FAM219A: variants seen among roughly 807,000 people sequenced by gnomAD.
FAM219A encodes protein FAM219A.
Under a neutral mutation model 23.4 loss-of-function variants are expected in FAM219A, and 7 were observed. That is an observed-to-expected ratio of 0.30 (90% confidence interval 0.17 to 0.56). The LOEUF is 0.56. FAM219A is among the 20% of genes least tolerant of loss of function. The probability of loss-of-function intolerance (pLI) is 0.92; values close to 1 mark genes in which losing one functional copy is unlikely to be tolerated. For missense variants in FAM219A, 166 were observed against 246.9 expected, an observed-to-expected ratio of 0.67 and a Z score of 2.20; for synonymous variants, 93 against 99.0, an observed-to-expected ratio of 0.94 and a Z score of 0.36.
intron 1 of FAM219A, among the ~76,000 whole-genome samples, chr9:34,418,151 A>G: frequency 6.6e-6 from 1 of 152,098 alleles, no homozygotes; most frequent in East Asian, 1.9e-4. Context: ...GCTACTCAGG[A>G]ACAGGGAGAG....
At chr9:34,442,658 C>G (rs1376084589) in intron 1 of FAM219A, among the ~76,000 whole-genome samples, 1 of 150,450 alleles carries the variant, frequency 6.6e-6, no homozygotes, top group African/African-American at 2.5e-5. Flanking sequence ...GCACTCCAGC[C>G]TGGGTGACAG....
intron 1 of FAM219A, among the ~76,000 whole-genome samples, chr9:34,428,289 C>G (rs892388230): frequency 1.3e-5 from 2 of 152,186 alleles, no homozygotes; most frequent in African/African-American, 4.8e-5. Flanking sequence ...AAGGAAAATG[C>G]AAGAAACCTC....
chr9:34,401,280 T>C lies in FAM219A; in HGVS notation c.400-158A>G, dbSNP rs565069397. Among the ~76,000 whole-genome samples the C allele has an allele frequency of 3.9e-5, 6 of 152,286 alleles. No individual in the cohort carries two copies. In the South Asian group the frequency reaches 1.2e-3, roughly 32 times the overall value. ...TGTCTGTACCCCCAGGCCCCGCTCC[T>C]GCCTAGGCGCCCTCCTTCGCCTCTG... On this transcript the variant is annotated intron_variant, in intron 5 of 5. Transcript: ENST00000651358.
At chr9:34,433,929 G>A (rs1428253412) in intron 1 of FAM219A, among the ~76,000 whole-genome samples, 3 of 151,906 alleles carry the variant, frequency 2.0e-5, no homozygotes, top group Admixed American at 6.6e-5. Flanking sequence ...TCGGCCGGGC[G>A]CGGTGGCTCA....
At chr9:34,429,105 G>C (rs1397664783) in intron 1 of FAM219A, among the ~76,000 whole-genome samples, 1 of 152,216 alleles carries the variant, frequency 6.6e-6, no homozygotes, top group African/African-American at 2.4e-5. Context: ...AACACCAAAA[G>C]TTCTTTTCTT....
intron 1 of FAM219A, among the ~76,000 whole-genome samples, chr9:34,413,835 T>C (rs1821908285): frequency 6.6e-6 from 1 of 152,010 alleles, no homozygotes; most frequent in Non-Finnish European, 1.5e-5. Context: ...TGATAAGAAA[T>C]GGGAAGTCAG....
chr9:34,436,010 G>GATCAGGCTGGTCTC (rs1047788898), intron 1 of FAM219A, among the ~76,000 whole-genome samples: 4 of 152,084 alleles, frequency 2.6e-5, no homozygotes, highest in Non-Finnish European at 4.4e-5. Flanking sequence ...TCACCATGTT[G>GATCAGGCTGGTCTC]ATCAGGCTGG....
chr9:34,441,496 A>G (rs1823172256), intron 1 of FAM219A, among the ~76,000 whole-genome samples: 1 of 152,210 alleles, frequency 6.6e-6, no homozygotes, highest in African/African-American at 2.4e-5. Context: ...CTCCAGGGCT[A>G]TCTTGGGCTG....
At chr9:34,405,771 G>T in intron 2 of FAM219A, 94 bp downstream of exon 2, 1 of 1,236,430 alleles carries the variant, frequency 8.1e-7, no homozygotes, top group Non-Finnish European at 1.2e-6. Context: ...AATCATCTAG[G>T]CTGAGCTGGT....
rs930853958 is a variant in FAM219A, at chr9:34,417,070, C to T, written c.61-11106G>A. The stretch of plus-strand genomic sequence containing the variant: ...CCCTTCCCTTTCCCCTTCCCCTTCT[C>T]CTTCTTCTTCTTTTTGGAGTCAGAG... On this transcript the variant is annotated intron_variant, in intron 1 of 5. Transcript: ENST00000651358. The surrounding 1 kb of genome is among the most constrained non-coding windows in gnomAD (Gnocchi z 4.1). Among the ~76,000 whole-genome samples the T allele has an allele frequency of 5.9e-5, 9 of 151,762 alleles. No homozygotes were observed. The highest frequency in any genetic ancestry group is 1.2e-4 in the Non-Finnish European group (8 of 67,874).
intron 1 of FAM219A, among the ~76,000 whole-genome samples, chr9:34,434,180 C>G (rs1394244172): frequency 8.6e-6 from 1 of 115,880 alleles, no homozygotes; most frequent in Non-Finnish European, 1.6e-5. Context: ...CCAGCCTGGG[C>G]AACAGAGCTA....
At chr9:34,450,295 A>G (rs1335318673) in intron 1 of FAM219A, among the ~76,000 whole-genome samples, 1 of 145,788 alleles carries the variant, frequency 6.9e-6, no homozygotes, top group Non-Finnish European at 1.5e-5. Flanking sequence ...CCTCGGTGAC[A>G]GAGACCCTGT....
chr9:34,400,754 G>T lies in FAM219A; in HGVS notation c.*210C>A. 1 of 471,250 alleles carries T rather than the reference G, an allele frequency of 2.1e-6. No homozygotes were observed. Among genetic ancestry groups the T allele is most frequent in the Non-Finnish European group, 3.6e-6 (1 of 278,038 alleles). The allele number at this position is 471,250 out of a possible 1,614,324, so 29.2% of individuals were successfully genotyped here. A position where few individuals can be genotyped will look rare whatever the true frequency, so the allele number is the denominator to read the frequency against. ...CCCCACCCCTCCTCAGCTCCCGGGT[G>T]GAGAGAGACCCAGTTTTGGTTTCTC... On this transcript the variant is annotated 3_prime_UTR_variant, in exon 6 of 6. Transcript: ENST00000651358.
chr9:34,416,565 A>G (rs1218384063), intron 1 of FAM219A, among the ~76,000 whole-genome samples: 1 of 151,988 alleles, frequency 6.6e-6, no homozygotes, highest in African/African-American at 2.4e-5. Context: ...GGAGTTCGAG[A>G]CCAGCCTGGC....
At chr9:34,426,189 T>A (rs79107473) in intron 1 of FAM219A, among the ~76,000 whole-genome samples, 2,062 of 152,248 alleles carry the variant, frequency 0.014, 53 homozygotes, top group African/African-American at 0.047. Context: ...ATTTTTTATA[T>A]AATGACTTTC....
At chr9:34,410,030 G>T (rs867523525) in intron 1 of FAM219A, among the ~76,000 whole-genome samples, 10 of 152,316 alleles carry the variant, frequency 6.6e-5, no homozygotes, top group African/African-American at 2.2e-4. Flanking sequence ...GGAAACCTGG[G>T]CCGAGAGGGG....
At position 34,458,131 on chromosome 9, in the gene FAM219A, C is replaced by T. The variant is rs575434650; in HGVS notation, c.60+73G>A. ...ATGGCGCCCCTCCGCACGATCCCCCCGGCCTGATTCCCTCCCTCCCCCTCA... is the reference window on the plus strand; with the variant it reads ...ATGGCGCCCCTCCGCACGATCCCCCTGGCCTGATTCCCTCCCTCCCCCTCA... On this transcript the variant is annotated intron_variant, in intron 1 of 5. Coordinates refer to ENST00000651358, the MANE Select transcript of FAM219A (RefSeq NM_001184940.2). The surrounding 1 kb of genome is among the most constrained non-coding windows in gnomAD (Gnocchi z 6.6). 66 of 1,408,000 alleles carry T rather than the reference C, an allele frequency of 4.7e-5. No homozygotes were observed. The African/African-American group carries it at 8.6e-4, about 18-fold the overall frequency. 87.2% of individuals were successfully genotyped at this position (1,408,000 alleles called of 1,614,324 possible).
intron 1 of FAM219A, among the ~76,000 whole-genome samples, chr9:34,434,933 C>T (rs1822847280): frequency 6.6e-6 from 1 of 152,170 alleles, no homozygotes; most frequent in African/African-American, 2.4e-5. Flanking sequence ...GATCCTCCTG[C>T]CTCAGCCTCC....
At position 34,458,179 on chromosome 9, in the gene FAM219A, G is replaced by A; in HGVS notation, c.60+25C>T. On this transcript the variant is annotated intron_variant, in intron 1 of 5. Coordinates refer to ENST00000651358, the MANE Select transcript of FAM219A (RefSeq NM_001184940.2). This position sits in a 1 kb window ranked among gnomAD's most constrained non-coding sequence, Gnocchi z 6.6. ...TCAAGCGACGCCCCCTCCGGCCTTG[G>A]CCTGCCCGCCGCCCGCCCCCTCACC... is the stretch of plus-strand genomic sequence containing the variant. The A allele has an allele frequency of 6.3e-7, 1 of 1,575,526 alleles. No individual in the cohort carries two copies. Among genetic ancestry groups the A allele is most frequent in the African/African-American group, 1.4e-5 (1 of 73,596 alleles).
Sources: gnomAD v4.1 joint callset for allele counts (sites outside exome capture counted in the v4.1 genomes callset) on GRCh38, gnomAD v4.1.1 for gene constraint, Gnocchi (gnomAD v3.1) non-coding constraint, MANE v1.5 for transcripts, NCBI Gene and HGNC (gene_info 2026-07-23, HGNC 2026-07-21) for gene names.